Variants in CACNB2 observed in about 807,000 individuals in gnomAD.
CACNB2 encodes calcium voltage-gated channel auxiliary subunit beta 2.
A neutral mutation model predicts 73.3 loss-of-function variants in CACNB2; 42 were observed. The ratio of observed to expected loss-of-function variants is 0.57; its 90% CI spans 0.45 to 0.74. The LOEUF (loss-of-function observed/expected upper bound fraction) is 0.74, where lower values mean the gene tolerates loss of function less well. Ranked by LOEUF, CACNB2 falls within the 30% of genes least tolerant of loss-of-function variation. CACNB2 has a pLI of 0.00. For synonymous variants in CACNB2, 348 were observed against 310.3 expected (o/e 1.12, Z -1.28); for missense variants, 940 against 853.0 (o/e 1.10, Z -1.27).
chr10:18,212,611 A>G (rs1349175152), intron 2 of CACNB2, among the ~76,000 whole-genome samples: 2 of 151,890 alleles, frequency 1.3e-5, no homozygotes, highest in African/African-American at 2.4e-5. Context: ...ATGTTTGCTT[A>G]TTTTTGTTTG....
intron 3 of CACNB2, among the ~76,000 whole-genome samples, chr10:18,423,397 G>C (rs1244881295): frequency 2.0e-5 from 3 of 152,186 alleles, no homozygotes. Flanking sequence ...GATATAGTAG[G>C]AGGTGGTCTC....
At chr10:18,271,068 T>C (rs2038034039) in intron 2 of CACNB2, among the ~76,000 whole-genome samples, 1 of 152,232 alleles carries the variant, frequency 6.6e-6, no homozygotes, top group Non-Finnish European at 1.5e-5. Flanking sequence ...ATGTGAAATT[T>C]ACTGTATACT....
chr10:18,295,696 T>G (rs1409426595), intron 2 of CACNB2, among the ~76,000 whole-genome samples: 1 of 152,226 alleles, frequency 6.6e-6, no homozygotes, highest in Non-Finnish European at 1.5e-5. Flanking sequence ...TGCTAGAGAT[T>G]AAATAAGAAC....
At chr10:18,275,276 C>T (rs1477440217) in intron 2 of CACNB2, among the ~76,000 whole-genome samples, 2 of 152,198 alleles carry the variant, frequency 1.3e-5, no homozygotes, top group African/African-American at 4.8e-5. Flanking sequence ...GATTTAAGTA[C>T]CAATGTGCCA....
chr10:18,501,483 A>T (rs1043353079), intron 5 of CACNB2, among the ~76,000 whole-genome samples: 4 of 152,244 alleles, frequency 2.6e-5, no homozygotes, highest in Admixed American at 2.0e-4. Context: ...GCAGATGGCA[A>T]TTAGATGAGT....
intron 10 of CACNB2, among the ~76,000 whole-genome samples, chr10:18,531,039 A>C (rs2052970178): frequency 6.6e-6 from 1 of 152,130 alleles, no homozygotes; most frequent in East Asian, 1.9e-4. Flanking sequence ...CAAAATTAAG[A>C]GTTTTGTGTG....
chr10:18,529,114 C>T (rs542783464), intron 10 of CACNB2, among the ~76,000 whole-genome samples: 186 of 152,326 alleles, frequency 1.2e-3, no homozygotes, highest in African/African-American at 4.4e-3. Context: ...TAGGTATGAG[C>T]CACTGTGCCT....
intron 3 of CACNB2, among the ~76,000 whole-genome samples, chr10:18,450,932 C>G (rs1564564347): frequency 6.6e-6 from 1 of 152,176 alleles, no homozygotes. Context: ...CCACCACGCC[C>G]AGCCCCGTTT....
chr10:18,255,932 C>T (rs927924538), intron 2 of CACNB2, among the ~76,000 whole-genome samples: 3 of 152,206 alleles, frequency 2.0e-5, no homozygotes, highest in Non-Finnish European at 2.9e-5. Flanking sequence ...GAAGGAAGCA[C>T]TTCATCTGAT....
intron 3 of CACNB2, among the ~76,000 whole-genome samples, chr10:18,446,169 T>G (rs528920318): frequency 1.1e-3 from 174 of 152,244 alleles, no homozygotes; most frequent in African/African-American, 3.8e-3. Context: ...AGAGGAAATT[T>G]AAGGACCAGG....
At chr10:18,286,300 A>C (rs2038786886) in intron 2 of CACNB2, among the ~76,000 whole-genome samples, 2 of 152,074 alleles carry the variant, frequency 1.3e-5, no homozygotes, top group Non-Finnish European at 2.9e-5. Flanking sequence ...GCGGATCACG[A>C]GGTCAGGAGA....
Position 18,290,112 on chromosome 10 carries a change from CTTTTTTTT to C in CACNB2, c.214-111792_214-111785del, listed in dbSNP as rs992393946. Among the ~76,000 whole-genome samples, 408 of 50,134 alleles carry C rather than the reference CTTTTTTTT, an allele frequency of 8.1e-3. 1 individual carries two copies. The highest frequency in any genetic ancestry group is 0.026 in the African/African-American group (380 of 14,820). The allele number at this position is 50,134 out of a possible 152,430, so 32.9% of individuals were successfully genotyped here. On this transcript the variant is annotated intron_variant, in intron 2 of 13. Coordinates refer to ENST00000324631, the MANE Select transcript of CACNB2 (RefSeq NM_201596.3). ...TAAAGTTTTTTTCTTTTTTCTTTTT[CTTTTTTTT>C]TTTTTTTTTTTTTTTTTTTGCCTCA...
At chr10:18,231,545 A>G (rs918590435) in intron 2 of CACNB2, among the ~76,000 whole-genome samples, 48 of 152,150 alleles carry the variant, frequency 3.2e-4, no homozygotes, top group African/African-American at 1.1e-3. Context: ...TTAGACTGCA[A>G]TCTCTTTTAG....
At chr10:18,398,440 G>A (rs1247242306) in intron 2 of CACNB2, among the ~76,000 whole-genome samples, 1 of 152,156 alleles carries the variant, frequency 6.6e-6, no homozygotes, top group Non-Finnish European at 1.5e-5. Flanking sequence ...TGAGGCAGGA[G>A]GATTGCTTGA....
At chr10:18,268,404 G>C (rs1339851163) in intron 2 of CACNB2, among the ~76,000 whole-genome samples, 1 of 152,132 alleles carries the variant, frequency 6.6e-6, no homozygotes, top group Non-Finnish European at 1.5e-5. Flanking sequence ...TAAATAAATG[G>C]TATACCACCT....
At chr10:18,468,846 G>A (rs1335262403) in intron 3 of CACNB2, among the ~76,000 whole-genome samples, 6 of 152,050 alleles carry the variant, frequency 3.9e-5, no homozygotes, top group Non-Finnish European at 5.9e-5. Flanking sequence ...TGATTCGCCC[G>A]CCCTAGCCTC....
chr10:18,460,497 T>C (rs1376965065), intron 3 of CACNB2, among the ~76,000 whole-genome samples: 1 of 152,150 alleles, frequency 6.6e-6, no homozygotes, highest in Admixed American at 6.6e-5. Context: ...GGAGTTCTGA[T>C]GTATACAAGC....
At chr10:18,382,350 TG>T (rs761158002) in intron 2 of CACNB2, among the ~76,000 whole-genome samples, 7 of 152,034 alleles carry the variant, frequency 4.6e-5, no homozygotes, top group Non-Finnish European at 1.0e-4. Context: ...TATTCTTCGG[TG>T]AGTTAGCTCA....
rs369884164 is a variant in CACNB2 at position 18,530,887 on chromosome 10, C to T, written c.1055-3189C>T. On this transcript the variant is annotated intron_variant, in intron 10 of 13. Transcript: ENST00000324631. ...CCACTGGCCATAAAGCTCTATGAAGCGATGACGCTTCACTTCTGCCCCCCA... is the reference window on the plus strand; with the variant it reads ...CCACTGGCCATAAAGCTCTATGAAGTGATGACGCTTCACTTCTGCCCCCCA... Among the ~76,000 whole-genome samples the T allele has an allele frequency of 5.9e-5, 9 of 152,204 alleles. No homozygotes were observed. In the South Asian group the frequency reaches 1.0e-3, roughly 18 times the overall value.
Sources: gnomAD v4.1 joint callset for allele counts (sites outside exome capture counted in the v4.1 genomes callset) on GRCh38, gnomAD v4.1.1 for gene constraint, MANE v1.5 for transcripts, NCBI Gene and HGNC (gene_info 2026-07-23, HGNC 2026-07-21) for gene names.